ENTREP2: variants seen among roughly 807,000 people sequenced by gnomAD.
ENTREP2 encodes protein ENTREP2.
the ENTREP2 span, among the ~76,000 whole-genome samples, chr15:29,368,337 A>AAAATATAT: frequency 0.015 from 2,236 of 146,066 alleles, 48 homozygotes; most frequent in African/African-American, 0.048. Context: ...CAAAAAAAAA[A>AAAATATAT]ATATATATAT....
the ENTREP2 span, among the ~76,000 whole-genome samples, chr15:29,538,521 G>A: frequency 3.3e-5 from 5 of 151,880 alleles, no homozygotes; most frequent in East Asian, 3.9e-4. Context: ...TGGGCCGGGC[G>A]CAGTGGCTCA....
chr15:29,474,237 C>A, the ENTREP2 span, among the ~76,000 whole-genome samples: 1 of 152,122 alleles, frequency 6.6e-6, no homozygotes, highest in African/African-American at 2.4e-5. Context: ...AGGCTACCTA[C>A]GGTTCAGGGA....
chr15:29,571,720 T>C, the ENTREP2 span, among the ~76,000 whole-genome samples: 2 of 152,182 alleles, frequency 1.3e-5, no homozygotes, highest in Non-Finnish European at 2.9e-5. Flanking sequence ...CTTGCCAACA[T>C]AGAGTTTAAA....
At chr15:29,616,529 G>C in the ENTREP2 span, among the ~76,000 whole-genome samples, 1 of 152,112 alleles carries the variant, frequency 6.6e-6, no homozygotes, top group East Asian at 1.9e-4. Context: ...ATGTTAACCT[G>C]GCTGTGTTTT....
chr15:29,403,310 A>G, the ENTREP2 span, among the ~76,000 whole-genome samples: 2 of 152,148 alleles, frequency 1.3e-5, no homozygotes, highest in South Asian at 4.1e-4. Flanking sequence ...TCCCTTTCTC[A>G]ACCCATTGTC....
the ENTREP2 span, among the ~76,000 whole-genome samples, chr15:29,230,459 A>C: frequency 6.6e-6 from 1 of 152,210 alleles, no homozygotes; most frequent in Admixed American, 6.5e-5. Flanking sequence ...AAATATTTAG[A>C]GAATATGCAG....
the ENTREP2 span, among the ~76,000 whole-genome samples, chr15:29,329,857 C>A: frequency 6.6e-6 from 1 of 152,050 alleles, no homozygotes; most frequent in African/African-American, 2.4e-5. Flanking sequence ...ATTGAACACA[C>A]AAGTAAATAA....
At chr15:29,180,579 G>A in the ENTREP2 span, among the ~76,000 whole-genome samples, 2 of 152,034 alleles carry the variant, frequency 1.3e-5, no homozygotes, top group African/African-American at 2.4e-5. Flanking sequence ...TAGGAGAATC[G>A]CTTGAACCCA....
chr15:29,550,199 C>A, the ENTREP2 span, among the ~76,000 whole-genome samples: 24 of 152,224 alleles, frequency 1.6e-4, no homozygotes, highest in Non-Finnish European at 3.2e-4. Flanking sequence ...ACAGATAGGA[C>A]AACCTTGATA....
the ENTREP2 span, among the ~76,000 whole-genome samples, chr15:29,328,296 A>C: frequency 6.6e-6 from 1 of 152,336 alleles, no homozygotes; most frequent in East Asian, 1.9e-4. Flanking sequence ...TAAATAAGTG[A>C]AGTCCAGAGA....
chr15:29,412,654 G>A, the ENTREP2 span, among the ~76,000 whole-genome samples: 1 of 151,842 alleles, frequency 6.6e-6, no homozygotes, highest in South Asian at 2.1e-4. Flanking sequence ...TTCTGTATCT[G>A]TAATTACATC....
At chr15:29,231,160 A>C in the ENTREP2 span, among the ~76,000 whole-genome samples, 44 of 152,198 alleles carry the variant, frequency 2.9e-4, no homozygotes, top group African/African-American at 9.9e-4. Flanking sequence ...AATTAGATAC[A>C]TTTTCCACCA....
At chr15:29,478,166 A>G in the ENTREP2 span, among the ~76,000 whole-genome samples, 3 of 150,804 alleles carry the variant, frequency 2.0e-5, no homozygotes, top group Non-Finnish European at 4.4e-5. Context: ...CTGGGACTAC[A>G]GGCGCCCGTC....
chr15:29,469,586 A>C, the ENTREP2 span, among the ~76,000 whole-genome samples: 1 of 152,090 alleles, frequency 6.6e-6, no homozygotes, highest in Admixed American at 6.5e-5. Flanking sequence ...GAGGGGAAAT[A>C]GGGAGTTGGT....
the ENTREP2 span, among the ~76,000 whole-genome samples, chr15:29,311,023 T>A: frequency 6.6e-6 from 1 of 151,920 alleles, no homozygotes; most frequent in Non-Finnish European, 1.5e-5. Context: ...AGTAATTTTG[T>A]AGAAGAAGGA....
At chr15:29,481,121 T>A in the ENTREP2 span, among the ~76,000 whole-genome samples, 1 of 152,120 alleles carries the variant, frequency 6.6e-6, no homozygotes, top group African/African-American at 2.4e-5. Flanking sequence ...CCCAGTGACA[T>A]CAGACAGCTA....
chr15:29,377,445 G>A, the ENTREP2 span, among the ~76,000 whole-genome samples: 32 of 152,070 alleles, frequency 2.1e-4, no homozygotes, highest in Non-Finnish European at 2.2e-4. Flanking sequence ...TCTGTTAGGA[G>A]GCTACTATAT....
At chr15:29,206,633 A>T in the ENTREP2 span, among the ~76,000 whole-genome samples, 4 of 152,174 alleles carry the variant, frequency 2.6e-5, no homozygotes, top group Non-Finnish European at 4.4e-5. Context: ...TCTGGGACTC[A>T]GTCGGGGACA....
At chr15:29,293,800 A>C in the ENTREP2 span, among the ~76,000 whole-genome samples, 1 of 151,904 alleles carries the variant, frequency 6.6e-6, no homozygotes, top group East Asian at 1.9e-4. Flanking sequence ...CACACCCTCC[A>C]CCCCCGCTCC....
Sources: gnomAD v4.1 joint callset for allele counts (sites outside exome capture counted in the v4.1 genomes callset) on GRCh38, gnomAD v4.1.1 for gene constraint, MANE v1.5 for transcripts, NCBI Gene and HGNC (gene_info 2026-07-23, HGNC 2026-07-21) for gene names.